The following DACH1 variants were observed in gnomAD, a reference collection of about 807,000 sequenced individuals.
The protein encoded by DACH1 is dachshund homolog 1.
In DACH1, 12 loss-of-function variants were observed where a neutral mutation model predicts 54.2. The ratio of observed to expected loss-of-function variants is 0.22; its 90% CI spans 0.14 to 0.36. DACH1 has a LOEUF of 0.36. Among genes scored for constraint, DACH1 ranks in the 10% least tolerant of loss-of-function variants. DACH1 has a pLI of 1.00. For missense variants in DACH1, 805 were observed against 929.8 expected (o/e 0.87, Z 1.75); for synonymous variants, 386 against 366.2 (o/e 1.05, Z -0.62).
At chr13:71,573,136 A>C (rs948906935) in intron 3 of DACH1, 124 bp from the exon 4 acceptor site, 4 of 941,004 alleles carry the variant, frequency 4.3e-6, no homozygotes, top group Non-Finnish European at 6.2e-6. Flanking sequence ...CATATGCAAA[A>C]ATTTCACTTA....
intron 1 of DACH1, among the ~76,000 whole-genome samples, chr13:71,718,265 A>G (rs1254202867): frequency 6.6e-6 from 1 of 152,016 alleles, no homozygotes; most frequent in Non-Finnish European, 1.5e-5. Context: ...AACGGAAGAA[A>G]GAGCATAACA....
intron 3 of DACH1, among the ~76,000 whole-genome samples, chr13:71,605,586 A>C (rs111718983): frequency 2.1e-4 from 32 of 152,110 alleles, no homozygotes; most frequent in African/African-American, 7.5e-4. Flanking sequence ...TAAAACATGT[A>C]TGCTTATATC....
At chr13:71,842,259 A>G (rs1356695763) in intron 1 of DACH1, among the ~76,000 whole-genome samples, 1 of 152,196 alleles carries the variant, frequency 6.6e-6, no homozygotes, top group Non-Finnish European at 1.5e-5. Context: ...TACTGATAGC[A>G]GAATTGGAGA....
chr13:71,639,084 C>A (rs1877708276), intron 2 of DACH1, among the ~76,000 whole-genome samples: 1 of 152,150 alleles, frequency 6.6e-6, no homozygotes, highest in South Asian at 2.1e-4. Flanking sequence ...TAGAAGAACT[C>A]TTGGCTCAAT....
intron 1 of DACH1, among the ~76,000 whole-genome samples, chr13:71,841,008 T>C (rs549412824): frequency 1.7e-4 from 26 of 152,316 alleles, no homozygotes; most frequent in Non-Finnish European, 3.5e-4. Flanking sequence ...TTTTACTGTA[T>C]GTTTTAGAAG....
chr13:71,689,074 G>A (rs1319898528), intron 1 of DACH1, among the ~76,000 whole-genome samples: 1 of 152,116 alleles, frequency 6.6e-6, no homozygotes, highest in Non-Finnish European at 1.5e-5. Flanking sequence ...TTTGTTGTTT[G>A]TTTAAAGACT....
intron 1 of DACH1, among the ~76,000 whole-genome samples, chr13:71,815,393 C>T (rs1301805029): frequency 6.6e-6 from 1 of 151,960 alleles, no homozygotes; most frequent in Non-Finnish European, 1.5e-5. Flanking sequence ...ATTACCATTG[C>T]CTAAAATAAC....
intron 10 of DACH1, among the ~76,000 whole-genome samples, chr13:71,467,148 T>C (rs1876653302): frequency 1.3e-5 from 2 of 151,894 alleles, no homozygotes; most frequent in South Asian, 2.1e-4. Context: ...GTTTAATTTA[T>C]GTAAGAAGTA....
At chr13:71,648,629 A>G (rs1312778649) in intron 2 of DACH1, among the ~76,000 whole-genome samples, 2 of 152,300 alleles carry the variant, frequency 1.3e-5, no homozygotes, top group African/African-American at 4.8e-5. Flanking sequence ...CTGTGTTCCA[A>G]TCCCCTCTCA....
chr13:71,713,255 AC>A (rs1240433114), intron 1 of DACH1, among the ~76,000 whole-genome samples: 1 of 152,110 alleles, frequency 6.6e-6, no homozygotes. Context: ...TTCAACAACA[AC>A]CATATATGTT....
intron 3 of DACH1, among the ~76,000 whole-genome samples, chr13:71,620,849 T>C (rs1379123641): frequency 1.3e-5 from 2 of 151,902 alleles, no homozygotes; most frequent in Non-Finnish European, 2.9e-5. Context: ...TATACTGATG[T>C]AGAAGTAAAA....
chr13:71,735,156 C>T (rs1345554285), intron 1 of DACH1, among the ~76,000 whole-genome samples: 4 of 148,634 alleles, frequency 2.7e-5, no homozygotes, highest in Middle Eastern at 3.8e-3. Flanking sequence ...ATGGTTTATA[C>T]ATGTATATGG....
Position 71,452,275 on chromosome 13 carries a change from G to A in DACH1, c.2084-11583C>T, listed in dbSNP as rs575126317. 4.3e-4 allele frequency among the ~76,000 whole-genome samples: 65 copies of A among 152,066 alleles called. 1 individual carries two copies. Among genetic ancestry groups the A allele is most frequent in the Non-Finnish European group, 6.0e-4 (41 of 67,984 alleles). ...CCCGAGTAGCTGGGACTACAGGCAT[G>A]TGCCACCATGCCTGGCTCATTTTTG... On this transcript the variant is annotated intron_variant, in intron 10 of 10. Transcript: ENST00000613252.
intron 5 of DACH1, 45 bp downstream of exon 5, chr13:71,559,775 C>G (rs1593894395): frequency 6.2e-7 from 1 of 1,611,778 alleles, no homozygotes; most frequent in Admixed American, 1.7e-5. Flanking sequence ...CCAGCTGAAC[C>G]CTAATAAAGT....
rs561782026 is a variant in DACH1 at position 71,438,720 on chromosome 13, T to C, written c.*1935A>G. 6.6e-6 allele frequency: 1 copy of C among 152,562 alleles called. No individual in the cohort carries two copies. The highest frequency in any genetic ancestry group is 2.1e-4 in the South Asian group (1 of 4,830). 9.5% of individuals were successfully genotyped at this position (152,562 alleles called of 1,614,324 possible). ...ATGCAAAAAGCTTGACACAAGTCCATTCAATTTTAAGTGTTGTAATCCTTT... is the reference window on the plus strand; with the variant it reads ...ATGCAAAAAGCTTGACACAAGTCCACTCAATTTTAAGTGTTGTAATCCTTT... On this transcript the variant is annotated 3_prime_UTR_variant, in exon 11 of 11. Coordinates refer to ENST00000613252, the MANE Select transcript of DACH1 (RefSeq NM_080759.6).
At chr13:71,664,487 C>A (rs1879700036) in intron 2 of DACH1, among the ~76,000 whole-genome samples, 1 of 151,634 alleles carries the variant, frequency 6.6e-6, no homozygotes, top group African/African-American at 2.4e-5. Flanking sequence ...GGTGTGAAAA[C>A]AATAAAAACA....
chr13:71,689,160 G>C (rs924838819), intron 1 of DACH1, among the ~76,000 whole-genome samples: 1 of 152,136 alleles, frequency 6.6e-6, no homozygotes, highest in South Asian at 2.1e-4. Context: ...TCTCTCAACA[G>C]TACCAAACCA....
chr13:71,446,429 G>A (rs1874471935), intron 10 of DACH1, among the ~76,000 whole-genome samples: 1 of 152,150 alleles, frequency 6.6e-6, no homozygotes, highest in Non-Finnish European at 1.5e-5. Flanking sequence ...CATTTTCTGA[G>A]CACCTGTGAT....
intron 1 of DACH1, chr13:71,846,051 A>C (rs1257871807): frequency 6.0e-6 from 1 of 167,656 alleles, no homozygotes; most frequent in Non-Finnish European, 1.4e-5. Flanking sequence ...TCCAGAACCA[A>C]AGGGAGCTCA....
Sources: allele counts gnomAD v4.1 joint callset (sites outside exome capture counted in the v4.1 genomes callset), GRCh38; gene constraint gnomAD v4.1.1; transcripts MANE v1.5; gene names NCBI Gene and HGNC (gene_info 2026-07-23, HGNC 2026-07-21).